The following BIN2 variants were observed in gnomAD, a reference collection of about 807,000 sequenced individuals.
BIN2 encodes bridging integrator 2.
In BIN2, 43 loss-of-function variants were observed where a neutral mutation model predicts 67.9. That is an observed-to-expected ratio of 0.63 (90% CI 0.50 to 0.82). The LOEUF (loss-of-function observed/expected upper bound fraction) is 0.82, where lower values mean the gene tolerates loss of function less well. BIN2 is among the 40% of genes least tolerant of loss of function. BIN2 has a pLI of 0.00. For missense variants in BIN2, 581 were observed against 671.6 expected, an observed-to-expected ratio of 0.87 and a Z score of 1.49; for synonymous variants, 244 against 246.8, an observed-to-expected ratio of 0.99 and a Z score of 0.11.
chr12:51,294,566 C>CAAA (rs112987316), intron 9 of BIN2, among the ~76,000 whole-genome samples: 1 of 90,360 alleles, frequency 1.1e-5, no homozygotes. Flanking sequence ...GACCCTGTCT[C>CAAA]AAAAAAAAAA....
At chr12:51,312,201 G>C (rs780605638) in intron 2 of BIN2, among the ~76,000 whole-genome samples, 1 of 152,204 alleles carries the variant, frequency 6.6e-6, no homozygotes, top group East Asian at 1.9e-4. Context: ...TTATTTGCCT[G>C]ATAAGAATTA....
intron 12 of BIN2, 46 bp downstream of exon 12, chr12:51,284,670 C>T: frequency 6.9e-7 from 1 of 1,459,216 alleles, no homozygotes; most frequent in Non-Finnish European, 9.6e-7. Context: ...TTCCCAAACC[C>T]CTGTCAATCT....
chr12:51,287,727 C>G (rs1428832547), intron 11 of BIN2, among the ~76,000 whole-genome samples: 1 of 151,712 alleles, frequency 6.6e-6, no homozygotes, highest in Non-Finnish European at 1.5e-5. Flanking sequence ...TCTCGGCTCA[C>G]TGCAAGCTCC....
At chr12:51,324,593 C>T, upstream of BIN2, 2 of 1,442,790 alleles carry the variant, frequency 1.4e-6, no homozygotes, top group South Asian at 1.4e-5. Context: ...CAGGTAGGCT[C>T]TAAGCCTGGA....
Position 51,291,673 on chromosome 12 carries a change from G to T in BIN2, c.1433C>A (p.Thr478Asn). 2 of 1,613,850 alleles carry T rather than the reference G, an allele frequency of 1.2e-6. No homozygotes were observed. The highest frequency in any genetic ancestry group is 1.7e-6 in the Non-Finnish European group (2 of 1,179,828). ...NPEPPEKPVR[T>N]PEAKENENIH... ...GTTTTCATTTTCTTTGGCCTCAGGA[G>T]TTCTTACTGGCTTCTCTGGTGGTTC... Residue 478 changes from threonine to asparagine, a missense_variant, in exon 10 of 13, where the codon ACT becomes AAT. Physicochemically the swap from Thr to Asn is moderately conservative, Grantham distance 65. Transcript: ENST00000615107.
rs563615819 is a variant in BIN2 at position 51,291,926 on chromosome 12, C to G, written c.1180G>C (p.Ala394Pro). Reference protein sequence around the residue: ...ATEVVLRTRTASEGSEQPKKR... With the variant: ...ATEVVLRTRTPSEGSEQPKKR... ...TTTGGTTGTTCAGATCCTTCACTTG[C>G]GGTGCGGGTTCGGAGGACTACTTCT... Residue 394 changes from alanine (A) to proline (P), a missense_variant, in exon 10 of 13, where the codon GCA (alanine) becomes CCA (proline). By Grantham distance (27) the Ala-to-Pro change is conservative. Transcript: ENST00000615107. The G allele has an allele frequency of 5.6e-6, 9 of 1,614,156 alleles. No homozygotes were observed. Among genetic ancestry groups the G allele is most frequent in the Non-Finnish European group, 7.6e-6 (9 of 1,180,028 alleles).
intron 1 of BIN2, among the ~76,000 whole-genome samples, chr12:51,316,575 C>T (rs1049829773): frequency 6.6e-6 from 1 of 152,152 alleles, no homozygotes; most frequent in Admixed American, 6.6e-5. Context: ...CCCAAGGCTA[C>T]ATTAAGCTTC....
chr12:51,323,814 G>A (rs1159021064), intron 1 of BIN2, among the ~76,000 whole-genome samples: 1 of 152,178 alleles, frequency 6.6e-6, no homozygotes, highest in Non-Finnish European at 1.5e-5. Context: ...CCAAGATCGG[G>A]TGGCGGTCTC....
At position 51,297,017 on chromosome 12, in the gene BIN2, T is replaced by C. The variant is rs571602022; in HGVS notation, c.678+72A>G. 1.0e-5 allele frequency: 14 copies of C among 1,380,640 alleles called. No homozygotes were observed. In the African/African-American group the frequency reaches 1.7e-4, roughly 17 times the overall value. The allele number at this position is 1,380,640 out of a possible 1,614,324, so 85.5% of individuals were successfully genotyped here. ...CCAATACGGATATTTAAAGAAATCA[T>C]GTAAGTCAAGGCTACCTTCATATTT... is the stretch of plus-strand genomic sequence containing the variant. On this transcript the variant is annotated intron_variant, in intron 8 of 12. Transcript: ENST00000615107.
At chr12:51,284,640 G>A in intron 12 of BIN2, 76 bp downstream of exon 12, 1 of 1,160,944 alleles carries the variant, frequency 8.6e-7, no homozygotes. Flanking sequence ...CTTGTAGCCT[G>A]TGGTGAAGAT....
chr12:51,301,491 T>C (rs1945723153), intron 5 of BIN2, among the ~76,000 whole-genome samples: 1 of 152,060 alleles, frequency 6.6e-6, no homozygotes, highest in Non-Finnish European at 1.5e-5. Context: ...AAATATAGCT[T>C]ACTGAAATCT....
intron 9 of BIN2, among the ~76,000 whole-genome samples, 199 bp downstream of exon 9, chr12:51,295,573 AAAAAATATATATATATATATATAT>A (rs1945527365): frequency 2.5e-5 from 1 of 39,706 alleles, no homozygotes; most frequent in South Asian, 6.7e-4. Flanking sequence ...AAAAAAAAAA[AAAAAATATATATATATATATATAT>A]ATATATATAT....
chr12:51,314,017 C>CTTATTTATTTAT (rs138541026), intron 1 of BIN2, 114 bp from the exon 2 acceptor site: 10 of 243,088 alleles, frequency 4.1e-5, no homozygotes, highest in Admixed American at 5.7e-5. Flanking sequence ...AAGGGCTGTA[C>CTTATTTATTTAT]TTATTTATTT....
intron 1 of BIN2, among the ~76,000 whole-genome samples, chr12:51,320,759 T>C (rs1051344188): frequency 2.6e-5 from 4 of 151,592 alleles, no homozygotes; most frequent in African/African-American, 9.7e-5. Flanking sequence ...TAAATATTTG[T>C]GGAATTTAAC....
At chr12:51,298,319 C>A (rs918624245) in intron 7 of BIN2, among the ~76,000 whole-genome samples, 2 of 152,126 alleles carry the variant, frequency 1.3e-5, no homozygotes, top group African/African-American at 4.8e-5. Context: ...TTGCAGCGAG[C>A]CGAGATTGTG....
chr12:51,284,764 G>A lies in BIN2; in HGVS notation c.1620C>T (p.Ser540=). ...SSEGQDQLQV[S]MVPENNNLTA... ...TGAGGTTGTTGTTTTCTGGTACCAT[G>A]GAGACTTGAAGCTGGTCTTGGCCCT... Residue 540 remains serine, a synonymous_variant, in exon 12 of 13, where the codon TCC becomes TCT. Coordinates refer to ENST00000615107, the MANE Select transcript of BIN2 (RefSeq NM_016293.4). The A allele has an allele frequency of 6.2e-7, 1 of 1,613,666 alleles. No individual in the cohort carries two copies. Among genetic ancestry groups the A allele is most frequent in the Non-Finnish European group, 8.5e-7 (1 of 1,179,648 alleles).
At chr12:51,313,567 C>T (rs1946051529) in intron 2 of BIN2, among the ~76,000 whole-genome samples, 1 of 151,964 alleles carries the variant, frequency 6.6e-6, no homozygotes, top group Non-Finnish European at 1.5e-5. Flanking sequence ...TCTCAAACTC[C>T]TGACCTCAGG....
chr12:51,312,946 T>C (rs989671220), intron 2 of BIN2, among the ~76,000 whole-genome samples: 1 of 152,100 alleles, frequency 6.6e-6, no homozygotes, highest in African/African-American at 2.4e-5. Context: ...AGTAAAGAAT[T>C]TGTGGGCCAG....
At chr12:51,284,246 C>G (rs1945185439) in intron 12 of BIN2, among the ~76,000 whole-genome samples, 1 of 151,990 alleles carries the variant, frequency 6.6e-6, no homozygotes. Flanking sequence ...AAATATTAAC[C>G]ACTGTGTCAC....
Sources: allele counts gnomAD v4.1 joint callset (sites outside exome capture counted in the v4.1 genomes callset), GRCh38; gene constraint gnomAD v4.1.1; transcripts MANE v1.5; gene names NCBI Gene and HGNC (gene_info 2026-07-23, HGNC 2026-07-21).